Variants in STAG1 observed in about 807,000 individuals in gnomAD.
STAG1 encodes STAG1 cohesin complex component.
A neutral mutation model predicts 170.9 loss-of-function variants in STAG1; 26 were observed. The ratio of observed to expected loss-of-function variants is 0.15; its 90% CI spans 0.11 to 0.21. The LOEUF (loss-of-function observed/expected upper bound fraction) is 0.21. Among genes scored for constraint, STAG1 ranks in the 10% least tolerant of loss-of-function variants. The pLI is 1.00. For missense variants in STAG1, 964 were observed against 1,509.5 expected (o/e 0.64, Z 5.99); for synonymous variants, 514 against 497.7 (o/e 1.03, Z -0.44).
intron 1 of STAG1, among the ~76,000 whole-genome samples, chr3:136,647,579 C>A (rs1941077143): frequency 6.6e-6 from 1 of 151,146 alleles, no homozygotes; most frequent in Non-Finnish European, 1.5e-5. Context: ...CCAAGAAGAA[C>A]AAAAATATTT....
At chr3:136,747,549 C>T (rs6805814) in intron 1 of STAG1, among the ~76,000 whole-genome samples, 19,017 of 151,840 alleles carry the variant, frequency 0.13, 1,347 homozygotes, top group African/African-American at 0.2. Context: ...ATTAGCCGGG[C>T]GTAGTGGCAT....
intron 8 of STAG1, among the ~76,000 whole-genome samples, chr3:136,500,684 T>C (rs1253369018): frequency 6.6e-6 from 1 of 152,188 alleles, no homozygotes. Context: ...ATATTTGCTG[T>C]TCTAAAAGTA....
Position 136,396,520 on chromosome 3 carries a change from C to CTTTTTT in STAG1, c.2277+2223_2277+2228dup, listed in dbSNP as rs146270857. Among the ~76,000 whole-genome samples the CTTTTTT allele has an allele frequency of 1.6e-3, 69 of 43,658 alleles. 11 individuals carry two copies. The highest frequency in any genetic ancestry group is 2.0e-3 in the African/African-American group (17 of 8,644). 28.6% of individuals were successfully genotyped at this position (43,658 alleles called of 152,430 possible). A position where few individuals can be genotyped will look rare whatever the true frequency, so the allele number is the denominator to read the frequency against. On this transcript the variant is annotated intron_variant, in intron 22 of 33. Coordinates refer to ENST00000383202, the MANE Select transcript of STAG1 (RefSeq NM_005862.3). The stretch of plus-strand genomic sequence containing the variant: ...ACAGGCGTGAGCCACCGCGCCTGGC[C>CTTTTTT]TTTTTTTTTTTTTTTTTTTTTTTTT...
At chr3:136,562,556 C>T (rs1375453278) in intron 5 of STAG1, among the ~76,000 whole-genome samples, 1 of 151,844 alleles carries the variant, frequency 6.6e-6, no homozygotes, top group African/African-American at 2.4e-5. Flanking sequence ...TGTTTCTTTA[C>T]TCTACTTTAA....
intron 29 of STAG1, among the ~76,000 whole-genome samples, chr3:136,345,429 C>CT (rs1423297454): frequency 6.7e-6 from 1 of 148,902 alleles, no homozygotes; most frequent in Admixed American, 6.7e-5. Flanking sequence ...TATTTACAAA[C>CT]TGTCCTGATA....
intron 21 of STAG1, among the ~76,000 whole-genome samples, chr3:136,413,199 AACAC>A (rs531842246): frequency 6.7e-6 from 1 of 148,290 alleles, no homozygotes; most frequent in South Asian, 2.1e-4. Flanking sequence ...TAACATGTGT[AACAC>A]ACACATTATA....
chr3:136,402,281 G>C (rs925622024), intron 21 of STAG1, among the ~76,000 whole-genome samples: 1 of 151,784 alleles, frequency 6.6e-6, no homozygotes, highest in Non-Finnish European at 1.5e-5. Flanking sequence ...GCAATGGTGT[G>C]GTCTTGGCTC....
chr3:136,374,843 T>C (rs951345423), intron 23 of STAG1, among the ~76,000 whole-genome samples: 2 of 152,156 alleles, frequency 1.3e-5, no homozygotes, highest in African/African-American at 4.8e-5. Flanking sequence ...AGTAATGTCT[T>C]AGGCCTTCCT....
intron 1 of STAG1, among the ~76,000 whole-genome samples, chr3:136,679,442 G>C (rs1333086663): frequency 6.6e-6 from 1 of 152,054 alleles, no homozygotes; most frequent in Non-Finnish European, 1.5e-5. Context: ...AATTAGCCCA[G>C]CATGGGCCGG....
intron 6 of STAG1, among the ~76,000 whole-genome samples, chr3:136,523,017 C>T (rs1203892244): frequency 6.6e-6 from 1 of 151,980 alleles, no homozygotes; most frequent in Non-Finnish European, 1.5e-5. Flanking sequence ...TGAATAGTGC[C>T]GCAATAAACA....
At chr3:136,347,808 TG>T (rs1936290152) in intron 29 of STAG1, among the ~76,000 whole-genome samples, 1 of 152,236 alleles carries the variant, frequency 6.6e-6, no homozygotes. Context: ...GTAGTTTATT[TG>T]TAGTATCTAA....
intron 14 of STAG1, among the ~76,000 whole-genome samples, chr3:136,446,342 T>C (rs1559805860): frequency 6.6e-6 from 1 of 152,208 alleles, no homozygotes; most frequent in East Asian, 1.9e-4. Flanking sequence ...CATGTTCAAG[T>C]AATAATCTGC....
At chr3:136,429,530 T>G (rs1053555322) in intron 16 of STAG1, among the ~76,000 whole-genome samples, 6 of 152,180 alleles carry the variant, frequency 3.9e-5, no homozygotes, top group Admixed American at 3.9e-4. Context: ...AAATCAACAT[T>G]AGATAATTTG....
intron 13 of STAG1, 57 bp from the exon 14 acceptor site, chr3:136,452,204 C>G (rs1179851302): frequency 9.7e-6 from 10 of 1,033,700 alleles, no homozygotes; most frequent in Non-Finnish European, 1.5e-6. Context: ...TTAGTCTTCC[C>G]TCAACACACA....
intron 13 of STAG1, among the ~76,000 whole-genome samples, chr3:136,461,582 T>A (rs2089274843): frequency 7.0e-6 from 1 of 142,366 alleles, no homozygotes; most frequent in African/African-American, 2.6e-5. Flanking sequence ...CTAGCAAGAC[T>A]CCGTCTTGAA....
At chr3:136,524,028 T>C (rs1934849281) in intron 6 of STAG1, among the ~76,000 whole-genome samples, 1 of 152,144 alleles carries the variant, frequency 6.6e-6, no homozygotes. Context: ...TCAGGTAGCA[T>C]GATGCCTCCA....
rs1170057003 is a variant in STAG1, at chr3:136,626,743, TG to T, written c.30-3496del. Among the ~76,000 whole-genome samples the T allele has an allele frequency of 2.0e-5, 3 of 152,212 alleles. No individual in the cohort carries two copies. The East Asian group carries it at 5.8e-4, about 29-fold the overall frequency. ...TATAGACTATGTGTCAGTTTACATA[TG>T]TTATCTATAATACATATGCACAAAA... On this transcript the variant is annotated intron_variant, in intron 2 of 33. Coordinates refer to ENST00000383202, the MANE Select transcript of STAG1 (RefSeq NM_005862.3).
chr3:136,535,263 G>A (rs1341020207), intron 6 of STAG1, among the ~76,000 whole-genome samples: 2 of 152,178 alleles, frequency 1.3e-5, no homozygotes, highest in African/African-American at 4.8e-5. Context: ...CAGAGAGGTT[G>A]GGTAAATAGT....
chr3:136,685,024 A>G (rs1006853440), intron 1 of STAG1, among the ~76,000 whole-genome samples: 7 of 152,118 alleles, frequency 4.6e-5, no homozygotes, highest in East Asian at 1.9e-4. Flanking sequence ...GTTAAAATTA[A>G]GAACTCTTGG....
Sources: gnomAD v4.1 joint callset for allele counts (sites outside exome capture counted in the v4.1 genomes callset) on GRCh38, gnomAD v4.1.1 for gene constraint, MANE v1.5 for transcripts, NCBI Gene and HGNC (gene_info 2026-07-23, HGNC 2026-07-21) for gene names.